Variants in RGS6 observed in about 807,000 individuals in gnomAD.
RGS6 encodes the protein regulator of G protein signaling 6.
In RGS6, 30 loss-of-function variants were observed where a neutral mutation model predicts 78.5. The ratio of observed to expected loss-of-function variants is 0.38; its 90% CI spans 0.29 to 0.52. The LOEUF (loss-of-function observed/expected upper bound fraction) is 0.52. Ranked by LOEUF, RGS6 falls within the 20% of genes least tolerant of loss-of-function variation. The pLI, the probability that RGS6 is intolerant of heterozygous loss-of-function variation, is 0.85. For synonymous variants in RGS6, 206 were observed against 206.0 expected (o/e 1.00, Z 0.00); for missense variants, 495 against 609.7 (o/e 0.81, Z 1.98).
At chr14:72,001,508 ACACACACACACACAACG>A (rs1566993225) in intron 2 of RGS6, among the ~76,000 whole-genome samples, 2 of 88,448 alleles carry the variant, frequency 2.3e-5, no homozygotes, top group Non-Finnish European at 2.7e-5. Flanking sequence ...ACACACACAC[ACACACACACACACAACG>A]CAGCAACAAC....
chr14:72,441,625 C>T (rs1380148116), intron 3 of RGS6, among the ~76,000 whole-genome samples: 1 of 152,234 alleles, frequency 6.6e-6, no homozygotes, highest in Non-Finnish European at 1.5e-5. Context: ...GTCACTGCTG[C>T]TGCCATTCCT....
the RGS6 span, among the ~76,000 whole-genome samples, chr14:71,926,993 G>A: frequency 6.6e-6 from 1 of 152,148 alleles, no homozygotes; most frequent in Non-Finnish European, 1.5e-5. Context: ...GATATTTTTG[G>A]TCAAGGAGAC....
intron 2 of RGS6, among the ~76,000 whole-genome samples, chr14:72,052,166 A>C (rs2093287792): frequency 6.6e-6 from 1 of 152,194 alleles, no homozygotes; most frequent in Non-Finnish European, 1.5e-5. Flanking sequence ...AGAAGAGTAC[A>C]TCTTGTTTAT....
chr14:72,486,055 T>C (rs1029920525), intron 12 of RGS6, among the ~76,000 whole-genome samples: 2 of 151,994 alleles, frequency 1.3e-5, no homozygotes, highest in Admixed American at 6.6e-5. Flanking sequence ...CATGCTATGC[T>C]CATGATAGTA....
At chr14:72,202,177 C>G (rs2153739679) in intron 2 of RGS6, among the ~76,000 whole-genome samples, 1 of 152,262 alleles carries the variant, frequency 6.6e-6, no homozygotes, top group Non-Finnish European at 1.5e-5. Context: ...TTTGTGTACA[C>G]AAATTAGGGA....
intron 2 of RGS6, among the ~76,000 whole-genome samples, chr14:72,219,744 C>A (rs1246456476): frequency 6.6e-6 from 1 of 152,092 alleles, no homozygotes; most frequent in Non-Finnish European, 1.5e-5. Flanking sequence ...TTTAAGGTCT[C>A]CTGTCTTATT....
At chr14:71,944,634 C>T (rs2091206458) in intron 1 of RGS6, among the ~76,000 whole-genome samples, 1 of 152,136 alleles carries the variant, frequency 6.6e-6, no homozygotes, top group Non-Finnish European at 1.5e-5. Flanking sequence ...AGTTCAGAGA[C>T]AGCATTTTAT....
At chr14:71,876,473 C>CTTTTTTTTTTT in the RGS6 span, among the ~76,000 whole-genome samples, 2 of 72,470 alleles carry the variant, frequency 2.8e-5, no homozygotes, top group Non-Finnish European at 2.5e-5. Flanking sequence ...GCAACCGCTG[C>CTTTTTTTTTTT]TTTTTTTTTT....
At chr14:72,577,867 C>T in the RGS6 span, among the ~76,000 whole-genome samples, 32 of 152,304 alleles carry the variant, frequency 2.1e-4, 1 homozygote, top group South Asian at 2.7e-3. Context: ...GGGCTTGTTG[C>T]TTTCAAAACC....
At chr14:72,259,780 A>G (rs903881313) in intron 2 of RGS6, among the ~76,000 whole-genome samples, 17 of 152,016 alleles carry the variant, frequency 1.1e-4, no homozygotes, top group Non-Finnish European at 1.5e-4. Flanking sequence ...GCGCGGTGGC[A>G]GGCGCCTGTA....
intron 3 of RGS6, among the ~76,000 whole-genome samples, chr14:72,438,440 G>C (rs1176046543): frequency 1.3e-5 from 2 of 152,134 alleles, no homozygotes; most frequent in Non-Finnish European, 2.9e-5. Context: ...TCCCTACTCA[G>C]ATGGCTCCTA....
the RGS6 span, among the ~76,000 whole-genome samples, chr14:72,605,911 G>A: frequency 6.6e-6 from 1 of 152,106 alleles, no homozygotes; most frequent in Non-Finnish European, 1.5e-5. Context: ...AAACTGTTGC[G>A]TGTTTTTTGA....
chr14:71,886,366 A>T, the RGS6 span, among the ~76,000 whole-genome samples: 1 of 152,226 alleles, frequency 6.6e-6, no homozygotes, highest in Non-Finnish European at 1.5e-5. Context: ...TCTTCAATTA[A>T]CGTCACTGTG....
At chr14:71,994,313 C>T (rs1595815759) in intron 2 of RGS6, among the ~76,000 whole-genome samples, 1 of 152,078 alleles carries the variant, frequency 6.6e-6, no homozygotes, top group Non-Finnish European at 1.5e-5. Flanking sequence ...CAGTTTCTCT[C>T]CTCCTCTTTG....
At chr14:71,962,726 A>G (rs765439155) in intron 1 of RGS6, among the ~76,000 whole-genome samples, 1 of 152,344 alleles carries the variant, frequency 6.6e-6, no homozygotes, top group Non-Finnish European at 1.5e-5. Flanking sequence ...ATTGTAATTT[A>G]TAAATAGTGA....
At chr14:72,084,737 A>AT (rs113187205) in intron 2 of RGS6, among the ~76,000 whole-genome samples, 23,187 of 147,604 alleles carry the variant, frequency 0.16, 1,860 homozygotes, top group Admixed American at 0.22. Flanking sequence ...TCATTCATTG[A>AT]TTTTTTTTTT....
intron 13 of RGS6, among the ~76,000 whole-genome samples, chr14:72,501,136 C>A (rs1410407416): frequency 6.6e-6 from 1 of 152,008 alleles, no homozygotes; most frequent in Non-Finnish European, 1.5e-5. Flanking sequence ...GTGAAGGGGT[C>A]CAGGCAGGCT....
chr14:72,024,481 C>G (rs1427559782), intron 2 of RGS6, among the ~76,000 whole-genome samples: 2 of 152,228 alleles, frequency 1.3e-5, no homozygotes. Flanking sequence ...CAGGAGAACA[C>G]ATGCTGCCCT....
intron 2 of RGS6, among the ~76,000 whole-genome samples, chr14:72,299,289 C>G (rs2152392815): frequency 6.6e-6 from 1 of 152,298 alleles, no homozygotes; most frequent in Middle Eastern, 3.4e-3. Context: ...ATTTACCCAG[C>G]CTTAGGCTAC....
Sources: gnomAD v4.1 joint callset for allele counts (sites outside exome capture counted in the v4.1 genomes callset) on GRCh38, gnomAD v4.1.1 for gene constraint, MANE v1.5 for transcripts, NCBI Gene and HGNC (gene_info 2026-07-23, HGNC 2026-07-21) for gene names.